Variants in LRRC74A observed in about 807,000 individuals in gnomAD.
The protein encoded by LRRC74A is leucine-rich repeat-containing protein 74A.
In LRRC74A, 44 loss-of-function variants were observed where a neutral mutation model predicts 57.9. The observed-to-expected ratio is 0.76, with a 90% CI of 0.60 to 0.98. The LOEUF is 0.98. Ranked by LOEUF, LRRC74A falls within the 50% of genes least tolerant of loss-of-function variation. The pLI is 0.00. For missense variants in LRRC74A, 572 were observed against 574.0 expected (o/e 1.00, Z 0.04); for synonymous variants, 211 against 219.4 (o/e 0.96, Z 0.34).
At chr14:76,850,945 A>G (rs1566733071) in intron 7 of LRRC74A, among the ~76,000 whole-genome samples, 2 of 152,168 alleles carry the variant, frequency 1.3e-5, no homozygotes, top group African/African-American at 2.4e-5. Context: ...TTATCCTCCC[A>G]TTCAGTAATG....
intron 10 of LRRC74A, among the ~76,000 whole-genome samples, chr14:76,859,906 G>A (rs1011440301): frequency 2.0e-5 from 3 of 151,908 alleles, no homozygotes; most frequent in African/African-American, 7.3e-5. Context: ...TTGAATTTCC[G>A]ACCTCAAGTG....
intron 3 of LRRC74A, among the ~76,000 whole-genome samples, chr14:76,835,446 C>T (rs1896256859): frequency 6.6e-6 from 1 of 150,724 alleles, no homozygotes; most frequent in South Asian, 2.1e-4. Flanking sequence ...GAGATCACGC[C>T]ACTGCACTCC....
intron 13 of LRRC74A, 63 bp downstream of exon 13, chr14:76,867,501 G>A: frequency 2.4e-6 from 2 of 826,530 alleles, no homozygotes; most frequent in South Asian, 2.8e-5. Context: ...GCTGATGTGA[G>A]CTCCTCCAGC....
intron 7 of LRRC74A, among the ~76,000 whole-genome samples, chr14:76,848,993 T>C (rs1183903794): frequency 6.6e-6 from 1 of 152,166 alleles, no homozygotes; most frequent in Non-Finnish European, 1.5e-5. Context: ...AGCTGAAAGT[T>C]CAGTTCAGAC....
At chr14:76,839,590 T>A (rs1896609661) in intron 5 of LRRC74A, among the ~76,000 whole-genome samples, 1 of 152,244 alleles carries the variant, frequency 6.6e-6, no homozygotes. Context: ...TATTATTGTC[T>A]TTGTTACTGT....
intron 13 of LRRC74A, 49 bp downstream of exon 13, chr14:76,867,487 C>T (rs1428778544): frequency 2.0e-6 from 2 of 991,376 alleles, no homozygotes; most frequent in Non-Finnish European, 3.2e-6. Context: ...GGGGCCCTGG[C>T]TGGGCTGATG....
intron 11 of LRRC74A, among the ~76,000 whole-genome samples, chr14:76,861,078 G>GATCTA (rs1222117965): frequency 1.6e-4 from 24 of 152,286 alleles, no homozygotes; most frequent in African/African-American, 5.5e-4. Flanking sequence ...AGCTGAAGGG[G>GATCTA]GCAGGTGGAC....
chr14:76,861,342 C>T (rs1013542001), intron 11 of LRRC74A, among the ~76,000 whole-genome samples: 5 of 152,196 alleles, frequency 3.3e-5, no homozygotes, highest in African/African-American at 7.2e-5. Flanking sequence ...GACATCCCTG[C>T]GGTCAGGATG....
At chr14:76,834,687 G>T (rs1354888548) in intron 3 of LRRC74A, among the ~76,000 whole-genome samples, 1 of 152,162 alleles carries the variant, frequency 6.6e-6, no homozygotes, top group Non-Finnish European at 1.5e-5. Context: ...TGGCCCGTGT[G>T]AAATAAATGT....
intron 9 of LRRC74A, among the ~76,000 whole-genome samples, chr14:76,854,144 G>A (rs1180593574): frequency 6.6e-6 from 1 of 152,116 alleles, no homozygotes; most frequent in Non-Finnish European, 1.5e-5. Flanking sequence ...ACAGAGGCTT[G>A]GCCACTCCGC....
intron 2 of LRRC74A, chr14:76,828,780 A>G: frequency 2.3e-6 from 1 of 437,136 alleles, no homozygotes; most frequent in South Asian, 1.7e-5. Context: ...CCAGTTTTCA[A>G]CAGAAGAGGA....
At chr14:76,857,555 G>T (rs1897999252) in intron 10 of LRRC74A, 80 bp downstream of exon 10, 10 of 1,018,686 alleles carry the variant, frequency 9.8e-6, no homozygotes, top group Non-Finnish European at 1.5e-5. Flanking sequence ...GTTGGCCAGA[G>T]CCAACAGCTC....
intron 11 of LRRC74A, among the ~76,000 whole-genome samples, chr14:76,864,628 A>T (rs1409948127): frequency 6.6e-6 from 1 of 152,134 alleles, no homozygotes; most frequent in African/African-American, 2.4e-5. Context: ...CTGGGGTGGA[A>T]GGATCACTTG....
chr14:76,844,582 G>T, intron 6 of LRRC74A, 110 bp downstream of exon 6: 1 of 1,167,756 alleles, frequency 8.6e-7, no homozygotes. Context: ...ACATGTTAGG[G>T]ACTGGGGAGT....
At chr14:76,849,676 G>T (rs1209319540) in intron 7 of LRRC74A, among the ~76,000 whole-genome samples, 1 of 150,878 alleles carries the variant, frequency 6.6e-6, no homozygotes, top group African/African-American at 2.4e-5. Flanking sequence ...GGTGACTTGG[G>T]TGTATAATCC....
intron 7 of LRRC74A, among the ~76,000 whole-genome samples, chr14:76,850,844 C>CAA (rs36208311): frequency 0.031 from 4,090 of 130,302 alleles, 92 homozygotes; most frequent in Non-Finnish European, 0.046. Flanking sequence ...AACTCTGTCT[C>CAA]AAAAAAAAAA....
At chr14:76,834,599 C>T (rs1335671712) in intron 3 of LRRC74A, among the ~76,000 whole-genome samples, 1 of 152,170 alleles carries the variant, frequency 6.6e-6, no homozygotes, top group African/African-American at 2.4e-5. Context: ...GTGGGGGCAG[C>T]AGGTGGTGTG....
intron 11 of LRRC74A, among the ~76,000 whole-genome samples, chr14:76,864,416 G>T (rs868330657): frequency 7.8e-5 from 10 of 128,366 alleles, no homozygotes; most frequent in East Asian, 2.6e-4. Flanking sequence ...AGGAAGGGGG[G>T]GGGGGGGTGG....
intron 3 of LRRC74A, among the ~76,000 whole-genome samples, chr14:76,834,032 C>G (rs973228186): frequency 1.3e-5 from 2 of 152,222 alleles, no homozygotes; most frequent in African/African-American, 4.8e-5. Context: ...CTAGCCCCCA[C>G]TTGGCATTGA....
Sources: gnomAD v4.1 joint callset for allele counts (sites outside exome capture counted in the v4.1 genomes callset) on GRCh38, gnomAD v4.1.1 for gene constraint, MANE v1.5 for transcripts, NCBI Gene and HGNC (gene_info 2026-07-23, HGNC 2026-07-21) for gene names.